TMEM217B: variants seen among roughly 807,000 people sequenced by gnomAD.
The protein encoded by TMEM217B is putative transmembrane protein 217B.
the TMEM217B span, chr6:37,213,090 G>C: frequency 3.6e-6 from 3 of 843,434 alleles, no homozygotes; most frequent in Non-Finnish European, 5.6e-6. Context: ...AGAGAGCTAA[G>C]AGCAATGATG....
chr6:37,252,134 C>T, the TMEM217B span, among the ~76,000 whole-genome samples: 2 of 152,184 alleles, frequency 1.3e-5, no homozygotes, highest in African/African-American at 4.8e-5. Flanking sequence ...CTCAGGTGAT[C>T]CGCCTGCCTC....
the TMEM217B span, among the ~76,000 whole-genome samples, chr6:37,234,915 C>A: frequency 6.6e-6 from 1 of 151,972 alleles, no homozygotes; most frequent in Admixed American, 6.6e-5. Context: ...ATATTACACA[C>A]CCATGCACAA....
At chr6:37,221,628 T>C in the TMEM217B span, among the ~76,000 whole-genome samples, 1 of 152,184 alleles carries the variant, frequency 6.6e-6, no homozygotes, top group African/African-American at 2.4e-5. Context: ...TGAAAATATA[T>C]GAAGAAACAG....
At chr6:37,222,274 C>A in the TMEM217B span, among the ~76,000 whole-genome samples, 4 of 152,218 alleles carry the variant, frequency 2.6e-5, no homozygotes, top group Admixed American at 2.0e-4. Context: ...TGAGGACCCG[C>A]CCCCTTCCAC....
chr6:37,233,031 C>T, the TMEM217B span, among the ~76,000 whole-genome samples: 1 of 152,208 alleles, frequency 6.6e-6, no homozygotes, highest in Admixed American at 6.5e-5. Context: ...GTCCACTACA[C>T]TGGTGACTCC....
At chr6:37,233,787 T>G in the TMEM217B span, among the ~76,000 whole-genome samples, 1 of 152,168 alleles carries the variant, frequency 6.6e-6, no homozygotes, top group African/African-American at 2.4e-5. Flanking sequence ...AGTTACTAAC[T>G]AACTAACTAA....
the TMEM217B span, among the ~76,000 whole-genome samples, chr6:37,246,453 A>G: frequency 6.6e-6 from 1 of 152,062 alleles, no homozygotes; most frequent in African/African-American, 2.4e-5. Context: ...CTCACATTCC[A>G]CTGGCCAGAA....
At chr6:37,222,126 C>T in the TMEM217B span, among the ~76,000 whole-genome samples, 5 of 152,212 alleles carry the variant, frequency 3.3e-5, no homozygotes, top group African/African-American at 1.2e-4. Flanking sequence ...CTTTTATGGA[C>T]CTCAGAAGGG....
chr6:37,216,919 C>A, the TMEM217B span, among the ~76,000 whole-genome samples: 13 of 152,184 alleles, frequency 8.5e-5, no homozygotes, highest in African/African-American at 2.7e-4. Context: ...CCTTACCAGA[C>A]ACCAAACCTA....
At chr6:37,246,902 C>CA in the TMEM217B span, among the ~76,000 whole-genome samples, 104 of 142,040 alleles carry the variant, frequency 7.3e-4, no homozygotes, top group Non-Finnish European at 8.8e-4. Flanking sequence ...GACTCTGTCT[C>CA]AAAAAAAAAA....
At chr6:37,247,103 T>C in the TMEM217B span, among the ~76,000 whole-genome samples, 9 of 152,178 alleles carry the variant, frequency 5.9e-5, no homozygotes, top group Non-Finnish European at 1.3e-4. Flanking sequence ...GAATGTCCCA[T>C]TGCCTAGAGG....
the TMEM217B span, among the ~76,000 whole-genome samples, chr6:37,236,450 G>T: frequency 2.0e-5 from 3 of 152,112 alleles, no homozygotes; most frequent in Non-Finnish European, 4.4e-5. Flanking sequence ...ATCCTGGGGT[G>T]GGAGAGTAAG....
chr6:37,213,173 A>G, the TMEM217B span, among the ~76,000 whole-genome samples: 6 of 152,236 alleles, frequency 3.9e-5, no homozygotes, highest in Non-Finnish European at 8.8e-5. Context: ...AACTTGCTAG[A>G]TGTGACCACA....
chr6:37,215,805 C>G, the TMEM217B span, among the ~76,000 whole-genome samples: 1 of 151,916 alleles, frequency 6.6e-6, no homozygotes, highest in African/African-American at 2.4e-5. Flanking sequence ...GACTTCACCC[C>G]CAGCAAAGGA....
At chr6:37,242,182 T>C in the TMEM217B span, among the ~76,000 whole-genome samples, 1 of 152,138 alleles carries the variant, frequency 6.6e-6, no homozygotes, top group African/African-American at 2.4e-5. Context: ...CTCATAGCCC[T>C]GGAGACTATG....
chr6:37,246,095 C>T, the TMEM217B span, among the ~76,000 whole-genome samples: 1 of 152,186 alleles, frequency 6.6e-6, no homozygotes, highest in East Asian at 1.9e-4. Context: ...AGCCACTGCG[C>T]CCGGCCAACA....
chr6:37,251,840 C>T, the TMEM217B span, among the ~76,000 whole-genome samples: 1 of 152,002 alleles, frequency 6.6e-6, no homozygotes, highest in East Asian at 1.9e-4. Context: ...CAATGATGGG[C>T]CAAATCTGGT....
chr6:37,212,576 G>A, the TMEM217B span: 1 of 468,622 alleles, frequency 2.1e-6, no homozygotes. Flanking sequence ...AAAAAGTGCA[G>A]GAGCATGTGT....
chr6:37,248,963 G>C, the TMEM217B span, among the ~76,000 whole-genome samples: 1 of 152,134 alleles, frequency 6.6e-6, no homozygotes, highest in East Asian at 1.9e-4. Flanking sequence ...GGTTCTGGTG[G>C]CTCCAGGTAT....
Sources: gnomAD v4.1 joint callset for allele counts (sites outside exome capture counted in the v4.1 genomes callset) on GRCh38, gnomAD v4.1.1 for gene constraint, MANE v1.5 for transcripts, NCBI Gene and HGNC (gene_info 2026-07-23, HGNC 2026-07-21) for gene names.